GTF2E2: variants seen among roughly 807,000 people sequenced by gnomAD.
GTF2E2 encodes the protein transcription initiation factor IIE subunit beta.
A neutral mutation model predicts 40.5 loss-of-function variants in GTF2E2; 21 were observed. The observed-to-expected ratio is 0.52, with a 90% CI of 0.37 to 0.75. The LOEUF (loss-of-function observed/expected upper bound fraction) is 0.75. GTF2E2 is among the 30% of genes least tolerant of loss of function. The pLI, the probability that GTF2E2 is intolerant of heterozygous loss-of-function variation, is 0.00. For synonymous variants in GTF2E2, 117 were observed against 121.6 expected (o/e 0.96, Z 0.25); for missense variants, 298 against 338.4 (o/e 0.88, Z 0.94).
chr8:30,608,760 T>C (rs1829395405), intron 5 of GTF2E2, among the ~76,000 whole-genome samples: 1 of 152,112 alleles, frequency 6.6e-6, no homozygotes, highest in African/African-American at 2.4e-5. Flanking sequence ...CAGGAGTTTG[T>C]TTGTTTTGAG....
chr8:30,626,521 T>C (rs192107816), intron 3 of GTF2E2, among the ~76,000 whole-genome samples: 1 of 152,318 alleles, frequency 6.6e-6, no homozygotes, highest in Admixed American at 6.5e-5. Context: ...TGTGAAGTTT[T>C]CATATTTTTT....
chr8:30,643,338 A>C (rs1000609827), intron 2 of GTF2E2: 2 of 152,122 alleles, frequency 1.3e-5, no homozygotes, highest in African/African-American at 4.8e-5. Context: ...GAGATGGGCC[A>C]AGAGTTGATG....
chr8:30,602,404 G>A (rs1829208158), intron 6 of GTF2E2, among the ~76,000 whole-genome samples: 1 of 151,970 alleles, frequency 6.6e-6, no homozygotes, highest in Admixed American at 6.6e-5. Context: ...GTATTACACT[G>A]ACTTTTTAAG....
chr8:30,611,782 T>C (rs1417938692), intron 5 of GTF2E2, among the ~76,000 whole-genome samples: 1 of 152,218 alleles, frequency 6.6e-6, no homozygotes, highest in East Asian at 1.9e-4. Flanking sequence ...CAAGTTAACA[T>C]TAATAATGAG....
At chr8:30,588,600 A>T (rs760321860) in intron 6 of GTF2E2, among the ~76,000 whole-genome samples, 16 of 152,318 alleles carry the variant, frequency 1.1e-4, no homozygotes, top group South Asian at 6.2e-4. Context: ...GTCCAAAGAA[A>T]AAGGAATCTT....
intron 2 of GTF2E2, among the ~76,000 whole-genome samples, chr8:30,651,026 A>AG: frequency 6.6e-6 from 1 of 151,112 alleles, no homozygotes; most frequent in African/African-American, 2.4e-5. Flanking sequence ...AAAAAAAAAA[A>AG]CCACCTCTCA....
intron 6 of GTF2E2, among the ~76,000 whole-genome samples, chr8:30,604,097 T>C (rs1829255666): frequency 6.6e-6 from 1 of 152,114 alleles, no homozygotes; most frequent in Non-Finnish European, 1.5e-5. Context: ...GAATCTACTA[T>C]TCTCATAAGG....
At chr8:30,644,986 G>C (rs1802015183) in intron 2 of GTF2E2, among the ~76,000 whole-genome samples, 1 of 152,146 alleles carries the variant, frequency 6.6e-6, no homozygotes, top group Admixed American at 6.5e-5. Flanking sequence ...CTGGGCTCAA[G>C]TGATCTGCCC....
intron 2 of GTF2E2, among the ~76,000 whole-genome samples, chr8:30,646,979 CAAAAA>C (rs56762565): frequency 2.7e-4 from 14 of 51,212 alleles, no homozygotes; most frequent in Non-Finnish European, 3.6e-4. Flanking sequence ...GACTCCGTCT[CAAAAA>C]AAAAAAAAAA....
At chr8:30,601,956 C>T (rs1389564542) in intron 6 of GTF2E2, among the ~76,000 whole-genome samples, 1 of 152,090 alleles carries the variant, frequency 6.6e-6, no homozygotes, top group Non-Finnish European at 1.5e-5. Context: ...AGATATACAA[C>T]TGTTTCAATT....
rs1403451086 is a variant in GTF2E2, at chr8:30,652,531, A to AT, written c.166+901dup. Among the ~76,000 whole-genome samples the AT allele has an allele frequency of 1.3e-3, 198 of 149,442 alleles. 2 individuals are homozygous for AT. The highest frequency in any genetic ancestry group is 0.013 in the South Asian group (57 of 4,476). The stretch of plus-strand genomic sequence containing the variant: ...GCCACAATGATAGAACTTCACAACT[A>AT]TAGAAATAGCTATGATTAAAAAAAA... On this transcript the variant is annotated intron_variant, in intron 2 of 7. Transcript: ENST00000355904.
At chr8:30,618,154 G>A (rs1378833239) in intron 3 of GTF2E2, among the ~76,000 whole-genome samples, 9 of 151,622 alleles carry the variant, frequency 5.9e-5, no homozygotes, top group East Asian at 1.9e-4. Flanking sequence ...AAAATTAGCC[G>A]AACATGGTGG....
chr8:30,634,994 G>T, intron 3 of GTF2E2, 38 bp downstream of exon 3: 1 of 1,161,830 alleles, frequency 8.6e-7, no homozygotes, highest in Non-Finnish European at 1.3e-6. Flanking sequence ...TTGCCAAAAA[G>T]TTAAATAGGA....
At chr8:30,604,872 A>G (rs1829277041) in intron 6 of GTF2E2, among the ~76,000 whole-genome samples, 1 of 152,248 alleles carries the variant, frequency 6.6e-6, no homozygotes, top group Non-Finnish European at 1.5e-5. Context: ...ATGACAAATG[A>G]AAACGGGTAA....
intron 6 of GTF2E2, among the ~76,000 whole-genome samples, chr8:30,602,834 A>C (rs1010835753): frequency 3.3e-5 from 5 of 151,658 alleles, no homozygotes; most frequent in Admixed American, 3.3e-4. Flanking sequence ...TCCTTCCCAC[A>C]ATCTTTGTCT....
At chr8:30,595,106 C>CA (rs1828962753) in intron 6 of GTF2E2, among the ~76,000 whole-genome samples, 1 of 151,728 alleles carries the variant, frequency 6.6e-6, no homozygotes, top group Non-Finnish European at 1.5e-5. Context: ...ACATTTTTTT[C>CA]AAAAAATGTT....
chr8:30,578,978 A>G lies in GTF2E2; in HGVS notation c.819T>C (p.His273=). ...TCAGCACTCCAGCCAAGTGTTCGTT[A>G]TGAGTCTTAAAGCGTCGCTTTTTCT... is the stretch of plus-strand genomic sequence containing the variant. ...ASQKKRRFKT[H]NEHLAGVLKD... is the part of the protein sequence containing the mutation. Residue 273 remains histidine (H), a synonymous_variant, in exon 8 of 8, where the codon CAT becomes CAC. Transcript: ENST00000355904. 2.5e-6 allele frequency: 4 copies of G among 1,611,394 alleles called. No individual in the cohort carries two copies. The highest frequency in any genetic ancestry group is 3.4e-6 in the Non-Finnish European group (4 of 1,177,504).
intron 3 of GTF2E2, among the ~76,000 whole-genome samples, chr8:30,616,754 G>A (rs1178233947): frequency 2.6e-5 from 4 of 152,002 alleles, no homozygotes; most frequent in African/African-American, 9.7e-5. Context: ...GGCAGGGAAT[G>A]GATGAGAATT....
At chr8:30,640,070 C>T (rs915185316) in intron 2 of GTF2E2, among the ~76,000 whole-genome samples, 12 of 152,182 alleles carry the variant, frequency 7.9e-5, no homozygotes, top group African/African-American at 2.7e-4. Context: ...AACACTCTAT[C>T]ATCAGCCTGC....
Sources: allele counts gnomAD v4.1 joint callset (sites outside exome capture counted in the v4.1 genomes callset), GRCh38; gene constraint gnomAD v4.1.1; transcripts MANE v1.5; gene names NCBI Gene and HGNC (gene_info 2026-07-23, HGNC 2026-07-21).